The following MACROD2 variants were observed in gnomAD, a reference collection of about 807,000 sequenced individuals.
MACROD2 encodes the protein mono-ADP ribosylhydrolase 2.
Under a neutral mutation model 70.4 loss-of-function variants are expected in MACROD2, and 36 were observed. The observed-to-expected ratio is 0.51, with a 90% CI of 0.39 to 0.68. The LOEUF (loss-of-function observed/expected upper bound fraction) is 0.68, where lower values mean the gene tolerates loss of function less well. MACROD2 is among the 30% of genes least tolerant of loss of function. The pLI, the probability that MACROD2 is intolerant of heterozygous loss-of-function variation, is 0.00. For synonymous variants in MACROD2, 172 were observed against 178.8 expected, an observed-to-expected ratio of 0.96 and a Z score of 0.30; for missense variants, 496 against 538.4, an observed-to-expected ratio of 0.92 and a Z score of 0.78.
At chr20:14,738,819 T>C (rs962494536) in intron 5 of MACROD2, among the ~76,000 whole-genome samples, 83 of 151,758 alleles carry the variant, frequency 5.5e-4, no homozygotes, top group South Asian at 2.1e-4. Context: ...TTCACAAGTA[T>C]CCTTAATATA....
intron 8 of MACROD2, among the ~76,000 whole-genome samples, chr20:15,637,120 T>C (rs372013784): frequency 7.2e-4 from 110 of 152,294 alleles, no homozygotes; most frequent in African/African-American, 2.5e-3. Flanking sequence ...AGATTTCCTT[T>C]CTAACTCATT....
intron 5 of MACROD2, among the ~76,000 whole-genome samples, chr20:14,689,428 G>A (rs2071037825): frequency 6.6e-6 from 1 of 151,926 alleles, no homozygotes; most frequent in Admixed American, 6.6e-5. Flanking sequence ...TATATAATAG[G>A]GGTTCAAAAG....
chr20:15,165,325 G>A (rs560212131), intron 5 of MACROD2, among the ~76,000 whole-genome samples: 14 of 152,244 alleles, frequency 9.2e-5, no homozygotes, highest in African/African-American at 3.4e-4. Context: ...GTGTTGTGGT[G>A]TGCAGTTGTA....
intron 5 of MACROD2, among the ~76,000 whole-genome samples, chr20:14,780,127 G>A (rs953873188): frequency 6.6e-6 from 1 of 152,120 alleles, no homozygotes; most frequent in Non-Finnish European, 1.5e-5. Context: ...TCAAAAGGCT[G>A]AGGTGAAAGG....
chr20:14,480,984 A>G (rs964359968), intron 3 of MACROD2, among the ~76,000 whole-genome samples: 2 of 152,156 alleles, frequency 1.3e-5, no homozygotes, highest in Admixed American at 6.5e-5. Context: ...GGAAAGAAAA[A>G]TTATGGTTTT....
chr20:14,187,091 C>A (rs1487924750), intron 3 of MACROD2, among the ~76,000 whole-genome samples: 1 of 150,154 alleles, frequency 6.7e-6, no homozygotes, highest in Non-Finnish European at 1.5e-5. Context: ...GCGCGTGTAC[C>A]CCGAACCTAA....
At chr20:14,177,198 T>TA (rs1369843327) in intron 3 of MACROD2, among the ~76,000 whole-genome samples, 3 of 151,902 alleles carry the variant, frequency 2.0e-5, no homozygotes, top group Non-Finnish European at 4.4e-5. Flanking sequence ...TTTGTATTGT[T>TA]ACAAACATGT....
At chr20:14,335,106 C>T (rs2082913346) in intron 3 of MACROD2, among the ~76,000 whole-genome samples, 1 of 152,126 alleles carries the variant, frequency 6.6e-6, no homozygotes, top group Non-Finnish European at 1.5e-5. Flanking sequence ...GGGCTTAAAA[C>T]TGTTCAAAAT....
intron 4 of MACROD2, among the ~76,000 whole-genome samples, chr20:14,530,788 G>T (rs757148121): frequency 6.6e-6 from 1 of 152,022 alleles, no homozygotes; most frequent in Non-Finnish European, 1.5e-5. Context: ...CTCATTTATG[G>T]CATACGTAAC....
chr20:14,305,253 T>C (rs766728537), intron 3 of MACROD2, among the ~76,000 whole-genome samples: 1 of 152,134 alleles, frequency 6.6e-6, no homozygotes. Flanking sequence ...TCTATTCCCT[T>C]CTCCTGCCTT....
intron 3 of MACROD2, among the ~76,000 whole-genome samples, chr20:14,361,562 C>A (rs549746509): frequency 6.6e-6 from 1 of 152,162 alleles, no homozygotes; most frequent in South Asian, 2.1e-4. Flanking sequence ...GATAAAAGCT[C>A]AAACTTCAAA....
intron 5 of MACROD2, among the ~76,000 whole-genome samples, chr20:15,029,342 G>A (rs995777892): frequency 4.6e-5 from 7 of 152,124 alleles, no homozygotes; most frequent in Non-Finnish European, 7.3e-5. Flanking sequence ...TAGATTGCAC[G>A]AGACTTATTA....
At chr20:15,077,484 C>T (rs2075666916) in intron 5 of MACROD2, among the ~76,000 whole-genome samples, 1 of 152,140 alleles carries the variant, frequency 6.6e-6, no homozygotes, top group Non-Finnish European at 1.5e-5. Flanking sequence ...AATTGTAAAG[C>T]ACTATCTAAA....
intron 6 of MACROD2, among the ~76,000 whole-genome samples, chr20:15,368,502 C>A (rs1431783487): frequency 6.8e-6 from 1 of 147,212 alleles, no homozygotes; most frequent in East Asian, 2.0e-4. Context: ...CGCTCTGTTA[C>A]CCAGGCTGGA....
intron 5 of MACROD2, among the ~76,000 whole-genome samples, chr20:15,176,887 T>C (rs1330316881): frequency 6.6e-6 from 1 of 152,182 alleles, no homozygotes; most frequent in African/African-American, 2.4e-5. Flanking sequence ...GGCTCTGTGG[T>C]TCCTGGCATC....
intron 3 of MACROD2, among the ~76,000 whole-genome samples, chr20:14,087,141 G>A (rs1311250014): frequency 6.6e-6 from 1 of 152,034 alleles, no homozygotes; most frequent in Non-Finnish European, 1.5e-5. Context: ...ATGCCTGTAA[G>A]CCCAGCACTT....
chr20:14,370,658 G>GAGAA (rs1189425114), intron 3 of MACROD2, among the ~76,000 whole-genome samples: 4 of 152,294 alleles, frequency 2.6e-5, no homozygotes, highest in Non-Finnish European at 4.4e-5. Flanking sequence ...TTTAAGGATA[G>GAGAA]AGAGCCAGCT....
intron 3 of MACROD2, among the ~76,000 whole-genome samples, chr20:14,233,410 T>C (rs2081837001): frequency 6.6e-6 from 1 of 151,924 alleles, no homozygotes; most frequent in African/African-American, 2.4e-5. Flanking sequence ...AGAAATGAGC[T>C]GGCCGGGCGC....
chr20:14,185,372 G>A lies in MACROD2; in HGVS notation c.271+99644G>A, dbSNP rs547671189. On this transcript the variant is annotated intron_variant, in intron 3 of 17. Transcript: ENST00000684519. ...ACTATCTACACCTAGGGAGAGCTACGTTTCTCCTCAGTGTGTTCTTGGAAA... is the reference window on the plus strand; with the variant it reads ...ACTATCTACACCTAGGGAGAGCTACATTTCTCCTCAGTGTGTTCTTGGAAA... 6.0e-4 allele frequency among the ~76,000 whole-genome samples: 91 copies of A among 152,192 alleles called. 1 individual carries two copies. The South Asian group carries it at 0.016, about 27-fold the overall frequency.
Sources: allele counts gnomAD v4.1 joint callset (sites outside exome capture counted in the v4.1 genomes callset), GRCh38; gene constraint gnomAD v4.1.1; transcripts MANE v1.5; gene names NCBI Gene and HGNC (gene_info 2026-07-23, HGNC 2026-07-21).